The following AOPEP variants were observed in gnomAD, a reference collection of about 807,000 sequenced individuals.
AOPEP encodes the protein aminopeptidase O (putative).
AOPEP carries 77 observed loss-of-function variants against 98.1 expected under a neutral mutation model. The observed-to-expected ratio is 0.78, with a 90% CI of 0.65 to 0.95. The LOEUF (loss-of-function observed/expected upper bound fraction) is 0.95. Among genes scored for constraint, AOPEP ranks in the 40% least tolerant of loss-of-function variants. The probability of loss-of-function intolerance (pLI) is 0.00; values close to 1 mark genes in which losing one functional copy is unlikely to be tolerated. For missense variants in AOPEP, 1,024 were observed against 1,024.7 expected (o/e 1.00, Z 0.01); for synonymous variants, 346 against 365.3 (o/e 0.95, Z 0.60).
At chr9:94,968,390 A>T (rs1184405306) in intron 10 of AOPEP, among the ~76,000 whole-genome samples, 1 of 152,136 alleles carries the variant, frequency 6.6e-6, no homozygotes, top group Admixed American at 6.5e-5. Flanking sequence ...CTGGGACTAC[A>T]GGCATCCACG....
At chr9:94,838,016 A>C (rs906897661) in intron 5 of AOPEP, among the ~76,000 whole-genome samples, 3 of 152,020 alleles carry the variant, frequency 2.0e-5, no homozygotes, top group African/African-American at 7.2e-5. Context: ...AAAACCCAGT[A>C]ATTTTTTTTT....
intron 14 of AOPEP, among the ~76,000 whole-genome samples, chr9:95,071,551 C>T (rs1308673345): frequency 2.0e-5 from 3 of 152,082 alleles, no homozygotes; most frequent in East Asian, 1.9e-4. Flanking sequence ...AGCATGGTGA[C>T]GAGCATGCAC....
chr9:95,075,706 C>A (rs1037887419), intron 14 of AOPEP, among the ~76,000 whole-genome samples: 3 of 152,032 alleles, frequency 2.0e-5, no homozygotes, highest in African/African-American at 4.8e-5. Flanking sequence ...CAATAAGAGA[C>A]CCCATTTCTG....
Position 94,800,866 on chromosome 9 carries a change from G to C in AOPEP, c.1228G>C (p.Gly410Arg). 1 of 1,614,118 alleles carries C rather than the reference G, an allele frequency of 6.2e-7. No homozygotes were observed. Among genetic ancestry groups the C allele is most frequent in the Non-Finnish European group, 8.5e-7 (1 of 1,180,014 alleles). ...HRVFAPVCLT[G>R]ACQETLLRLI... Reference sequence around the variant, plus strand: ...GGTCTTTGCCCCTGTGTGCCTCACGGGTGCCTGCCAAGAGACCCTTCTGCG... The same window carrying C: ...GGTCTTTGCCCCTGTGTGCCTCACGCGTGCCTGCCAAGAGACCCTTCTGCG... Residue 410 changes from glycine to arginine, a missense_variant, in exon 5 of 17, where the codon GGT becomes CGT. Coordinates refer to ENST00000375315, the MANE Select transcript of AOPEP (RefSeq NM_001193329.3).
At chr9:94,850,392 C>T (rs572243439) in intron 5 of AOPEP, among the ~76,000 whole-genome samples, 57 of 152,242 alleles carry the variant, frequency 3.7e-4, no homozygotes, top group African/African-American at 9.9e-4. Flanking sequence ...TAACCCATGG[C>T]GGACACTACA....
intron 14 of AOPEP, among the ~76,000 whole-genome samples, chr9:95,064,343 G>A (rs1470433100): frequency 6.6e-6 from 1 of 152,226 alleles, no homozygotes; most frequent in Non-Finnish European, 1.5e-5. Context: ...CTCCCAGGCT[G>A]GAGTGCAGTG....
At chr9:95,103,793 C>T in the AOPEP span, among the ~76,000 whole-genome samples, 1 of 152,198 alleles carries the variant, frequency 6.6e-6, no homozygotes, top group African/African-American at 2.4e-5. Flanking sequence ...GCAGAGGCCA[C>T]ACAGGAGGCA....
At chr9:94,933,259 G>T in intron 7 of AOPEP, 1 of 985,590 alleles carries the variant, frequency 1.0e-6, no homozygotes, top group Middle Eastern at 5.2e-4. Flanking sequence ...TGTCTCCAGG[G>T]TGCAGCTGGA....
chr9:94,970,821 C>T (rs1043505836), intron 10 of AOPEP, among the ~76,000 whole-genome samples: 1 of 151,890 alleles, frequency 6.6e-6, no homozygotes, highest in African/African-American at 2.4e-5. Flanking sequence ...TTCGTACCTA[C>T]CCCGGAATAA....
chr9:94,993,496 T>C (rs1304995050), intron 11 of AOPEP, among the ~76,000 whole-genome samples: 1 of 152,224 alleles, frequency 6.6e-6, no homozygotes, highest in African/African-American at 2.4e-5. Flanking sequence ...CTGCATATTT[T>C]ATAGCAAAAC....
chr9:94,876,415 G>C (rs1032197937), intron 5 of AOPEP, among the ~76,000 whole-genome samples: 3 of 151,008 alleles, frequency 2.0e-5, no homozygotes, highest in African/African-American at 7.3e-5. Flanking sequence ...CCCCAGGCTG[G>C]AGTGCAATGG....
chr9:95,026,840 C>T (rs191388379), intron 13 of AOPEP, among the ~76,000 whole-genome samples: 1 of 152,308 alleles, frequency 6.6e-6, no homozygotes, highest in African/African-American at 2.4e-5. Context: ...AGTTTCTCCA[C>T]ATCTTTGCCA....
At chr9:94,961,013 C>CA (rs71496990) in intron 9 of AOPEP, among the ~76,000 whole-genome samples, 2,742 of 118,676 alleles carry the variant, frequency 0.023, 83 homozygotes, top group East Asian at 0.066. Context: ...GAATCTGTCT[C>CA]AAAAAAAAAA....
At chr9:94,729,498 A>G (rs1830012493) in intron 1 of AOPEP, among the ~76,000 whole-genome samples, 1 of 151,838 alleles carries the variant, frequency 6.6e-6, no homozygotes, top group African/African-American at 2.4e-5. Flanking sequence ...GCTTGAGCCC[A>G]GCAGGTCGAG....
At chr9:95,087,634 G>A (rs927500193), downstream of AOPEP, among the ~76,000 whole-genome samples, 3 of 151,932 alleles carry the variant, frequency 2.0e-5, no homozygotes, top group South Asian at 2.1e-4. Flanking sequence ...ATTTGGCTGC[G>A]CGTGGGGCAC....
At chr9:94,958,564 A>G (rs984310048) in intron 9 of AOPEP, among the ~76,000 whole-genome samples, 1 of 152,018 alleles carries the variant, frequency 6.6e-6, no homozygotes, top group Non-Finnish European at 1.5e-5. Context: ...TGCCCTCTGG[A>G]TTTTTTTATT....
intron 5 of AOPEP, among the ~76,000 whole-genome samples, chr9:94,913,030 C>G (rs1406573608): frequency 6.6e-6 from 1 of 152,190 alleles, no homozygotes; most frequent in Non-Finnish European, 1.5e-5. Context: ...ACCCGGGTGC[C>G]TTTCAGATCA....
the AOPEP span, among the ~76,000 whole-genome samples, chr9:95,149,531 T>C: frequency 1.3e-5 from 2 of 151,592 alleles, no homozygotes; most frequent in African/African-American, 4.9e-5. Context: ...CAGGCTGGAG[T>C]GCAGTGGCAC....
Position 94,773,005 on chromosome 9 carries a change from A to C in AOPEP, c.801A>C (p.Pro267=), listed in dbSNP as rs573078056. ...TTTCTTTGTCTCTCTTCTGCAGGCC[A>C]TGTGTTTATACTGTGGGATCTCCCA... ...VTWTSDQSGR[P]CVYTVGSPIN... The change falls in exon 3 of 17, where the codon CCA becomes CCC. Residue 267 remains proline, a synonymous_variant. Transcript: ENST00000375315. 2 of 1,598,034 alleles carry C rather than the reference A, an allele frequency of 1.3e-6. No homozygotes were observed. Among genetic ancestry groups the C allele is most frequent in the African/African-American group, 2.7e-5 (2 of 74,204 alleles).
Sources: gnomAD v4.1 joint callset for allele counts (sites outside exome capture counted in the v4.1 genomes callset) on GRCh38, gnomAD v4.1.1 for gene constraint, MANE v1.5 for transcripts, NCBI Gene and HGNC (gene_info 2026-07-23, HGNC 2026-07-21) for gene names.